Variants in SYNE4 observed in about 807,000 individuals in gnomAD.
SYNE4 encodes spectrin repeat containing nuclear envelope family member 4, also known as nesprin-4.
In SYNE4, 41 loss-of-function variants were observed where a neutral mutation model predicts 46.9. The observed-to-expected ratio is 0.87, with a 90% CI of 0.68 to 1.13. The LOEUF is 1.13. SYNE4 is among the 50% of genes most tolerant of loss of function. The probability of loss-of-function intolerance (pLI) is 0.00; values close to 1 mark genes in which losing one functional copy is unlikely to be tolerated. For synonymous variants in SYNE4, 221 were observed against 219.5 expected, an observed-to-expected ratio of 1.01 and a Z score of -0.06; for missense variants, 492 against 514.8, an observed-to-expected ratio of 0.96 and a Z score of 0.43.
chr19:36,008,506 A>T, intron 1 of SYNE4, 48 bp downstream of exon 1: 1 of 1,611,778 alleles, frequency 6.2e-7, no homozygotes. Context: ...GGCCCCTGCC[A>T]CCACGCCTAC....
Position 36,006,607 on chromosome 19 carries a change from C to A in SYNE4, c.683G>T (p.Gly228Val). The A allele has an allele frequency of 6.2e-7, 1 of 1,609,872 alleles. No individual in the cohort carries two copies. The highest frequency in any genetic ancestry group is 1.3e-5 in the African/African-American group (1 of 74,988). The change falls in exon 5 of 8, where the codon GGA becomes GTA. Residue 228 changes from glycine to valine, a missense_variant. By Grantham distance (109) the Gly-to-Val change is moderately radical. Transcript: ENST00000324444. ...CCAGGGCCCCCAGACCCCACCAGGTCCTGGCCAGTCCGAGTCTCCCTCGAC... is the reference window on the plus strand; with the variant it reads ...CCAGGGCCCCCAGACCCCACCAGGTACTGGCCAGTCCGAGTCTCCCTCGAC... ...LEVEGDSDWP[G>V]PGGVWGPWAP...
intron 6 of SYNE4, chr19:36,003,925 A>G (rs906569535): frequency 1.2e-5 from 2 of 162,596 alleles, no homozygotes; most frequent in African/African-American, 4.8e-5. Context: ...CATGTTGGCC[A>G]GGCTGGTCCC....
In SYNE4 at chr19:36,003,390, G is replaced by A; in HGVS notation, c.1162C>T (p.Pro388Ser). Residue 388 changes from proline (P) to serine (S), a missense_variant, in exon 8 of 8, where the codon CCC (proline) becomes TCC (serine). Physicochemically the swap from Pro to Ser is moderately conservative, Grantham distance 74. Coordinates refer to ENST00000324444, the MANE Select transcript of SYNE4 (RefSeq NM_001039876.3). ...GGPCCSHARI[P>S]RTPYLVLSYV... ...CTGAGCACCAGGTAGGGTGTCCTGG[G>A]TATTCGGGCATGAGAGCAGCAGGGG... The A allele has an allele frequency of 1.2e-6, 2 of 1,614,122 alleles. No homozygotes were observed. Among genetic ancestry groups the A allele is most frequent in the East Asian group, 2.2e-5 (1 of 44,886 alleles).
Position 36,006,602 on chromosome 19 carries a change from C to G in SYNE4, c.688G>C (p.Gly230Arg). 6.2e-7 allele frequency: 1 copy of G among 1,609,750 alleles called. No individual in the cohort carries two copies. Among genetic ancestry groups the G allele is most frequent in the East Asian group, 2.2e-5 (1 of 44,730 alleles). Residue 230 changes from glycine to arginine, a missense_variant, in exon 5 of 8, where the codon GGT (glycine) becomes CGT (arginine). Gly to Arg is a moderately radical substitution (Grantham distance 125, BLOSUM62 -2). Coordinates refer to ENST00000324444, the MANE Select transcript of SYNE4 (RefSeq NM_001039876.3). ...GGTGCCCAGGGCCCCCAGACCCCAC[C>G]AGGTCCTGGCCAGTCCGAGTCTCCC... ...VEGDSDWPGP[G>R]GVWGPWAPSS... is the part of the protein sequence containing the mutation.
rs544030389 is a variant in SYNE4 at position 36,007,325 on chromosome 19, C to T, written c.280-57G>A. On this transcript the variant is annotated intron_variant, in intron 2 of 7. Transcript: ENST00000324444. ...TGGGCCAATCAAGATATCACCCCTG[C>T]TCCCATCCCCACCCCTCTTCTGTAA... The T allele has an allele frequency of 8.7e-6, 13 of 1,501,144 alleles. No homozygotes were observed. In the East Asian group the frequency reaches 2.9e-4, roughly 33 times the overall value. 93.0% of individuals were successfully genotyped at this position (1,501,144 alleles called of 1,614,324 possible). A position where few individuals can be genotyped will look rare whatever the true frequency, so the allele number is the denominator to read the frequency against.
chr19:36,005,490 A>T, intron 5 of SYNE4, 53 bp from the exon 6 acceptor site: 1 of 1,548,916 alleles, frequency 6.5e-7, no homozygotes, highest in Non-Finnish European at 8.9e-7. Flanking sequence ...CAGGATAGGG[A>T]TGTCATAGAG....
Position 36,006,618 on chromosome 19 carries a change from C to T in SYNE4, c.672G>A (p.Ser224=), listed in dbSNP as rs769843319. The T allele has an allele frequency of 4.2e-5, 68 of 1,610,012 alleles. No individual in the cohort carries two copies. Among genetic ancestry groups the T allele is most frequent in the South Asian group, 2.4e-4 (22 of 90,368 alleles). Residue 224 remains serine (S), a synonymous_variant, in exon 5 of 8, where the codon TCG becomes TCA. Coordinates refer to ENST00000324444, the MANE Select transcript of SYNE4 (RefSeq NM_001039876.3). Reference sequence around the variant, plus strand: ...AGACCCCACCAGGTCCTGGCCAGTCCGAGTCTCCCTCGACCTCCAAGTCCT... The same window carrying T: ...AGACCCCACCAGGTCCTGGCCAGTCTGAGTCTCCCTCGACCTCCAAGTCCT... ...LDQDLEVEGD[S]DWPGPGGVWG...
At chr19:36,003,548 T>TA in intron 7 of SYNE4, 28 bp from the exon 8 acceptor site, 1 of 1,599,566 alleles carries the variant, frequency 6.3e-7, no homozygotes, top group South Asian at 1.1e-5. Flanking sequence ...GTGTTAAACA[T>TA]ACAGGTGGGC....
In SYNE4 at chr19:36,005,354, G is replaced by T; in HGVS notation, c.951C>A (p.His317Gln). 1 of 1,614,136 alleles carries T rather than the reference G, an allele frequency of 6.2e-7. No individual in the cohort carries two copies. The highest frequency in any genetic ancestry group is 8.5e-7 in the Non-Finnish European group (1 of 1,180,008). ...TCACCTGAGGCTTCCGGAGCAGGGA[G>T]TGTCTTTGGTGACGTGCTAAGCGTT... Reference protein sequence around the residue: ...HQKRLARHQRHSLLRKPQDKK... With the variant: ...HQKRLARHQRQSLLRKPQDKK... Residue 317 changes from histidine to glutamine, a missense_variant, in exon 6 of 8, where the codon CAC becomes CAA. By Grantham distance (24) the His-to-Gln change is conservative (BLOSUM62 0). Transcript: ENST00000324444.
chr19:36,003,580 C>A, intron 7 of SYNE4, 33 bp downstream of exon 7: 1 of 1,610,098 alleles, frequency 6.2e-7, no homozygotes, highest in Non-Finnish European at 8.5e-7. Context: ...GCTCTGTCCC[C>A]CACACCCTAG....
intron 2 of SYNE4, 149 bp from the exon 3 acceptor site, chr19:36,007,417 G>T (rs759889085): frequency 1.2e-5 from 17 of 1,419,168 alleles, no homozygotes; most frequent in African/African-American, 4.4e-5. Flanking sequence ...GGCTCCCACT[G>T]GGGGGGCCTT....
Position 36,007,649 on chromosome 19 carries a change from C to T in SYNE4, c.280-381G>A, listed in dbSNP as rs117357339. Reference sequence around the variant, plus strand: ...CCCAGCACTTTGGGAGGCCGAGGCCCGAGGATCACTTGAGCCCAGGAGTTC... The same window carrying T: ...CCCAGCACTTTGGGAGGCCGAGGCCTGAGGATCACTTGAGCCCAGGAGTTC... On this transcript the variant is annotated intron_variant, in intron 2 of 7. Transcript: ENST00000324444. The T allele has an allele frequency of 4.7e-3, 4,532 of 970,388 alleles. 15 individuals carry two copies. The highest frequency in any genetic ancestry group is 0.013 in the South Asian group (271 of 20,964). 60.1% of individuals were successfully genotyped at this position (970,388 alleles called of 1,614,324 possible). A position where few individuals can be genotyped will look rare whatever the true frequency, so the allele number is the denominator to read the frequency against.
rs1262178581 is a variant in SYNE4, at chr19:36,006,734, T to C, written c.618+16A>G. On this transcript the variant is annotated intron_variant, in intron 4 of 7. Transcript: ENST00000324444. ...TGGGGCCTGGGTTGGGTGGGGGGTA[T>C]CAAGATGGGCCCTACCAGGCTGTAG... The C allele has an allele frequency of 1.3e-6, 2 of 1,595,994 alleles. No homozygotes were observed. The highest frequency in any genetic ancestry group is 3.4e-5 in the Admixed American group (2 of 58,026).
At chr19:36,005,228 T>TG in intron 6 of SYNE4, 105 bp downstream of exon 6, 1 of 1,246,172 alleles carries the variant, frequency 8.0e-7, no homozygotes, top group Non-Finnish European at 1.1e-6. Context: ...CATTACTTTT[T>TG]TTTTTTTTAA....
chr19:36,006,552 C>T lies in SYNE4; in HGVS notation c.738G>A (p.Glu246=), dbSNP rs1301620500. Residue 246 remains glutamate (E), a synonymous_variant, in exon 5 of 8, where the codon GAG becomes GAA. Coordinates refer to ENST00000324444, the MANE Select transcript of SYNE4 (RefSeq NM_001039876.3). ...WAPSSLPTST[E]LEWDPAGDIG... is the part of the protein sequence containing the mutation. ...TGTCCCCCGCCGGATCCCACTCCAACTCTGTGGAAGTGGGGAGGCTACTGG... is the reference window on the plus strand; with the variant it reads ...TGTCCCCCGCCGGATCCCACTCCAATTCTGTGGAAGTGGGGAGGCTACTGG... 1.9e-6 allele frequency: 3 copies of T among 1,607,352 alleles called. No individual in the cohort carries two copies. In the South Asian group the frequency reaches 3.3e-5, roughly 18 times the overall value.
At chr19:36,007,321 C>T in intron 2 of SYNE4, 53 bp from the exon 3 acceptor site, 1 of 1,513,532 alleles carries the variant, frequency 6.6e-7, no homozygotes, top group Non-Finnish European at 8.9e-7. Flanking sequence ...AGATATCACC[C>T]CTGCTCCCAT....
At chr19:36,006,294 G>A (rs773713817) in intron 5 of SYNE4, 129 bp downstream of exon 5, 35 of 1,249,666 alleles carry the variant, frequency 2.8e-5, no homozygotes, top group East Asian at 7.5e-5. Context: ...AGGAGACACC[G>A]AGAGACAGAG....
intron 2 of SYNE4, 65 bp downstream of exon 2, chr19:36,008,152 G>A (rs977207201): frequency 6.4e-5 from 97 of 1,525,102 alleles, no homozygotes; most frequent in Middle Eastern, 3.5e-4. Context: ...CAGTATGGAG[G>A]CCAGACTCCA....
In SYNE4 at chr19:36,008,200, G is replaced by A. The variant is rs1459033785; in HGVS notation, c.279+17C>T. On this transcript the variant is annotated intron_variant, in intron 2 of 7. Transcript: ENST00000324444. ...GAGGTGGGGCTGGCACAAGGGGTCTGGGTCACCTCAGCTCACCTCACAGTG... is the reference window on the plus strand; with the variant it reads ...GAGGTGGGGCTGGCACAAGGGGTCTAGGTCACCTCAGCTCACCTCACAGTG... 1.9e-6 allele frequency: 3 copies of A among 1,604,440 alleles called. No homozygotes were observed. The African/African-American group carries it at 4.0e-5, about 21-fold the overall frequency.
Sources: allele counts gnomAD v4.1 joint callset, GRCh38; gene constraint gnomAD v4.1.1; transcripts MANE v1.5; gene names NCBI Gene and HGNC (gene_info 2026-07-23, HGNC 2026-07-21).